STPG2: variants seen among roughly 807,000 people sequenced by gnomAD.
STPG2 encodes sperm-tail PG-rich repeat-containing protein 2.
STPG2 carries 56 observed loss-of-function variants against 54.2 expected under a neutral mutation model. The ratio of observed to expected loss-of-function variants is 1.03; its 90% confidence interval spans 0.83 to 1.29. The LOEUF (loss-of-function observed/expected upper bound fraction) is 1.29. Ranked by LOEUF, STPG2 falls within the 50% of genes most tolerant of loss-of-function variation. The probability of loss-of-function intolerance (pLI) is 0.00; values close to 1 mark genes in which losing one functional copy is unlikely to be tolerated. For missense variants in STPG2, 596 were observed against 544.9 expected (o/e 1.09, Z -0.93); for synonymous variants, 200 against 181.8 (o/e 1.10, Z -0.81).
intron 9 of STPG2, among the ~76,000 whole-genome samples, chr4:97,800,494 G>C (rs575447448): frequency 1.3e-5 from 2 of 152,344 alleles, no homozygotes; most frequent in Admixed American, 1.3e-4. Context: ...CTGCAGAATA[G>C]CGAATATTGC....
At chr4:97,777,298 C>T (rs75080763) in intron 9 of STPG2, among the ~76,000 whole-genome samples, 2,272 of 151,934 alleles carry the variant, frequency 0.015, 51 homozygotes, top group African/African-American at 0.051. Context: ...TTTTCTCTGT[C>T]GATTTTTAGC....
chr4:97,940,292 G>T (rs543118726), intron 8 of STPG2, among the ~76,000 whole-genome samples: 2 of 152,150 alleles, frequency 1.3e-5, no homozygotes, highest in African/African-American at 4.8e-5. Context: ...TGATCTTCTT[G>T]TGTAGCATCT....
intron 5 of STPG2, among the ~76,000 whole-genome samples, chr4:98,040,369 G>A (rs908886800): frequency 6.6e-6 from 1 of 151,618 alleles, no homozygotes; most frequent in South Asian, 2.1e-4. Context: ...GTGTTTTTAA[G>A]GTCTTAGTCA....
chr4:97,820,632 G>T (rs946105562), intron 9 of STPG2, among the ~76,000 whole-genome samples: 5 of 152,168 alleles, frequency 3.3e-5, no homozygotes, highest in African/African-American at 1.2e-4. Context: ...AATTTATAAA[G>T]AAAAGAAGCT....
At chr4:97,473,499 G>C (rs1729994871) in intron 4 of STPG2, among the ~76,000 whole-genome samples, 1 of 152,120 alleles carries the variant, frequency 6.6e-6, no homozygotes, top group Non-Finnish European at 1.5e-5. Context: ...ATTTTGGTCA[G>C]ACCGGTTGCT....
intron 5 of STPG2, among the ~76,000 whole-genome samples, chr4:97,991,999 T>C (rs1052436451): frequency 4.6e-5 from 7 of 152,162 alleles, no homozygotes; most frequent in Admixed American, 4.6e-4. Context: ...TGAATATTAG[T>C]CCTTTCTCAG....
chr4:97,905,905 G>A (rs1731395702), intron 8 of STPG2, among the ~76,000 whole-genome samples: 1 of 152,158 alleles, frequency 6.6e-6, no homozygotes, highest in African/African-American at 2.4e-5. Flanking sequence ...ATGCCCACAA[G>A]AGAAAGCAGG....
chr4:97,761,357 G>T, intron 9 of STPG2, among the ~76,000 whole-genome samples: 1 of 152,240 alleles, frequency 6.6e-6, no homozygotes, highest in East Asian at 1.9e-4. Context: ...ACAGAGGGAA[G>T]ATGGCCATGT....
At chr4:97,454,985 CAA>C (rs1474680486) in intron 4 of STPG2, among the ~76,000 whole-genome samples, 5 of 151,996 alleles carry the variant, frequency 3.3e-5, no homozygotes, top group Admixed American at 6.5e-5. Flanking sequence ...TACAGCACTT[CAA>C]GTCTTATTAT....
chr4:97,982,480 AT>A (rs1734714106), intron 5 of STPG2, among the ~76,000 whole-genome samples: 1 of 152,086 alleles, frequency 6.6e-6, no homozygotes, highest in Non-Finnish European at 1.5e-5. Context: ...TACAAAAAAA[AT>A]GCAGATATTT....
Position 97,707,841 on chromosome 4 carries a change from A to G in STPG2, c.1320+4858T>C, listed in dbSNP as rs550632617. On this transcript the variant is annotated intron_variant, in intron 10 of 10. Coordinates refer to ENST00000295268, the MANE Select transcript of STPG2 (RefSeq NM_174952.3). ...CCATATCCAAATCAAAAGAAAATAT[A>G]AAGGCATTAAATAAATTAACTTAGG... 1.2e-4 allele frequency among the ~76,000 whole-genome samples: 19 copies of G among 152,310 alleles called. No individual in the cohort carries two copies. In the Middle Eastern group the frequency reaches 0.014, roughly 109 times the overall value.
At chr4:98,008,327 AAATTTTACAG>A (rs1318387379) in intron 5 of STPG2, among the ~76,000 whole-genome samples, 1 of 152,092 alleles carries the variant, frequency 6.6e-6, no homozygotes, top group Non-Finnish European at 1.5e-5. Context: ...TATCAAGCAT[AAATTTTACAG>A]CCTGTCAGAA....
chr4:97,946,210 T>A (rs1733213654), intron 7 of STPG2, among the ~76,000 whole-genome samples: 1 of 152,210 alleles, frequency 6.6e-6, no homozygotes, highest in Admixed American at 6.6e-5. Flanking sequence ...AATAAATATC[T>A]ATTCATGTCA....
chr4:97,712,909 A>G, intron 9 of STPG2, 95 bp from the exon 10 acceptor site: 1 of 735,938 alleles, frequency 1.4e-6, no homozygotes, highest in African/African-American at 1.8e-5. Flanking sequence ...TTAATGTATA[A>G]AATTAGCATG....
At chr4:97,504,073 TTAAA>T (rs966571572) in intron 4 of STPG2, among the ~76,000 whole-genome samples, 3 of 145,618 alleles carry the variant, frequency 2.1e-5, no homozygotes, top group East Asian at 2.0e-4. Flanking sequence ...TTATTTTTAT[TTAAA>T]TATTTATTTT....
chr4:97,744,952 A>G (rs1228386762), intron 9 of STPG2, among the ~76,000 whole-genome samples: 2 of 151,312 alleles, frequency 1.3e-5, no homozygotes, highest in Non-Finnish European at 3.0e-5. Flanking sequence ...TGCTCTTCAC[A>G]TAAAACAACA....
At chr4:97,452,120 AC>A (rs70953067) in intron 4 of STPG2, among the ~76,000 whole-genome samples, 872 of 19,310 alleles carry the variant, frequency 0.045, 53 homozygotes, top group East Asian at 0.13. Flanking sequence ...CCCCGCCCCC[AC>A]CCCCCCCCCC....
chr4:97,444,705 G>T (rs2148793012), intron 4 of STPG2, among the ~76,000 whole-genome samples: 1 of 152,224 alleles, frequency 6.6e-6, no homozygotes, highest in Admixed American at 6.5e-5. Context: ...AACAATGAAA[G>T]AGTTAAATAT....
intron 5 of STPG2, among the ~76,000 whole-genome samples, chr4:97,999,498 T>C (rs1479421737): frequency 6.6e-6 from 1 of 151,874 alleles, no homozygotes; most frequent in East Asian, 1.9e-4. Flanking sequence ...AGGTCAGGAA[T>C]TGGAGACCAG....
Sources: allele counts gnomAD v4.1 joint callset (sites outside exome capture counted in the v4.1 genomes callset), GRCh38; gene constraint gnomAD v4.1.1; transcripts MANE v1.5; gene names NCBI Gene and HGNC (gene_info 2026-07-23, HGNC 2026-07-21).